DLG2: variants seen among roughly 807,000 people sequenced by gnomAD.
DLG2 encodes the protein disks large homolog 2.
In DLG2, 45 loss-of-function variants were observed where a neutral mutation model predicts 132.5. That is an observed-to-expected ratio of 0.34 (90% CI 0.27 to 0.44). The LOEUF is 0.44. DLG2 is among the 20% of genes least tolerant of loss of function. The pLI, the probability that DLG2 is intolerant of heterozygous loss-of-function variation, is 1.00. For synonymous variants in DLG2, 424 were observed against 419.6 expected, an observed-to-expected ratio of 1.01 and a Z score of -0.13; for missense variants, 1,045 against 1,196.9, an observed-to-expected ratio of 0.87 and a Z score of 1.87.
chr11:83,674,942 A>G (rs1387296112), intron 18 of DLG2, among the ~76,000 whole-genome samples: 1 of 152,256 alleles, frequency 6.6e-6, no homozygotes, highest in African/African-American at 2.4e-5. Flanking sequence ...GACAAGCTTC[A>G]TGAGTGAAAA....
At chr11:83,753,601 C>T (rs1290781125) in intron 18 of DLG2, among the ~76,000 whole-genome samples, 1 of 146,406 alleles carries the variant, frequency 6.8e-6, no homozygotes, top group African/African-American at 2.5e-5. Flanking sequence ...AACTCCTGTG[C>T]CAGTCATCAA....
At chr11:84,387,200 TG>T (rs1264787942) in intron 7 of DLG2, among the ~76,000 whole-genome samples, 3 of 151,990 alleles carry the variant, frequency 2.0e-5, no homozygotes, top group South Asian at 2.1e-4. Context: ...CTAGAGTCCA[TG>T]CATTTACCTA....
At chr11:84,949,370 C>T (rs1019504401) in intron 6 of DLG2, among the ~76,000 whole-genome samples, 1 of 152,096 alleles carries the variant, frequency 6.6e-6, no homozygotes, top group African/African-American at 2.4e-5. Context: ...ATTAAAATTG[C>T]TAATGAAGTT....
At chr11:85,278,549 G>A (rs1333640507) in intron 4 of DLG2, among the ~76,000 whole-genome samples, 3 of 151,672 alleles carry the variant, frequency 2.0e-5, no homozygotes, top group East Asian at 1.9e-4. Flanking sequence ...GCGGTGAGCC[G>A]AGATGGTTTC....
intron 3 of DLG2, among the ~76,000 whole-genome samples, chr11:85,332,518 A>G (rs2081835175): frequency 6.6e-6 from 1 of 152,036 alleles, no homozygotes; most frequent in South Asian, 2.1e-4. Context: ...TGGAGACTTC[A>G]TCATGAAATG....
At chr11:83,573,152 C>T (rs1039787682) in intron 19 of DLG2, among the ~76,000 whole-genome samples, 6 of 151,910 alleles carry the variant, frequency 3.9e-5, no homozygotes, top group Non-Finnish European at 8.8e-5. Flanking sequence ...AAAATATGCC[C>T]GATTCACATG....
chr11:84,084,416 G>A (rs2096945667), intron 10 of DLG2, among the ~76,000 whole-genome samples: 1 of 152,182 alleles, frequency 6.6e-6, no homozygotes, highest in African/African-American at 2.4e-5. Flanking sequence ...GGAGAGGGAA[G>A]GGTATTTTGT....
chr11:85,011,948 C>A (rs1011734435), intron 6 of DLG2, among the ~76,000 whole-genome samples: 1 of 152,132 alleles, frequency 6.6e-6, no homozygotes, highest in Non-Finnish European at 1.5e-5. Flanking sequence ...GTTCTAGAGG[C>A]ACATATGAAT....
At chr11:84,754,442 C>A (rs2066591325) in intron 6 of DLG2, among the ~76,000 whole-genome samples, 1 of 152,004 alleles carries the variant, frequency 6.6e-6, no homozygotes, top group Non-Finnish European at 1.5e-5. Context: ...AGTAAATGAT[C>A]TTATTTAATA....
At chr11:84,396,076 T>C (rs1301815049) in intron 7 of DLG2, among the ~76,000 whole-genome samples, 2 of 152,244 alleles carry the variant, frequency 1.3e-5, no homozygotes, top group African/African-American at 4.8e-5. Flanking sequence ...TTAGGAGTTT[T>C]GAGTGTTCTT....
chr11:83,629,199 T>C (rs943554666), intron 19 of DLG2, among the ~76,000 whole-genome samples: 1 of 152,166 alleles, frequency 6.6e-6, no homozygotes, highest in East Asian at 1.9e-4. Context: ...CCAGCAGACA[T>C]AAGTTTTTTG....
intron 4 of DLG2, among the ~76,000 whole-genome samples, chr11:85,209,282 T>C (rs904888426): frequency 6.6e-6 from 1 of 151,980 alleles, no homozygotes; most frequent in Non-Finnish European, 1.5e-5. Context: ...CTAATATCAA[T>C]GTTGATTTTT....
intron 16 of DLG2, among the ~76,000 whole-genome samples, chr11:83,852,290 G>C (rs1275255440): frequency 6.6e-6 from 1 of 152,216 alleles, no homozygotes; most frequent in Non-Finnish European, 1.5e-5. Context: ...GGGGCAAAAG[G>C]AGTCACTGAG....
chr11:85,114,851 G>A (rs1467678102), intron 5 of DLG2, among the ~76,000 whole-genome samples: 13 of 151,792 alleles, frequency 8.6e-5, no homozygotes, highest in Admixed American at 8.6e-4. Context: ...TTGTGTATCA[G>A]GGGCTTATAC....
chr11:85,411,702 TTTGA>T (rs1348813756), intron 3 of DLG2, among the ~76,000 whole-genome samples: 1 of 151,886 alleles, frequency 6.6e-6, no homozygotes, highest in African/African-American at 2.4e-5. Context: ...GATACATTTA[TTTGA>T]TTGATGGGAG....
At chr11:83,764,674 C>T (rs2094064005) in intron 18 of DLG2, among the ~76,000 whole-genome samples, 1 of 152,182 alleles carries the variant, frequency 6.6e-6, no homozygotes, top group Admixed American at 6.5e-5. Flanking sequence ...GAGACTGATA[C>T]ACCAAGAGGT....
intron 6 of DLG2, among the ~76,000 whole-genome samples, chr11:84,731,532 G>A (rs1301534804): frequency 1.3e-5 from 2 of 151,860 alleles, no homozygotes; most frequent in African/African-American, 2.4e-5. Flanking sequence ...CTAGACAAAC[G>A]GAAAGGGGAA....
intron 6 of DLG2, among the ~76,000 whole-genome samples, chr11:84,726,225 C>G (rs1027562558): frequency 6.6e-6 from 1 of 152,090 alleles, no homozygotes; most frequent in African/African-American, 2.4e-5. Context: ...ATCATCCCGT[C>G]TCCTACGTTA....
chr11:84,449,308 T>C (rs2099044619), intron 7 of DLG2, among the ~76,000 whole-genome samples: 2 of 151,984 alleles, frequency 1.3e-5, no homozygotes, highest in South Asian at 4.1e-4. Context: ...ATCATTTCAT[T>C]TTCCATCCTG....
Sources: gnomAD v4.1 joint callset for allele counts (sites outside exome capture counted in the v4.1 genomes callset) on GRCh38, gnomAD v4.1.1 for gene constraint, MANE v1.5 for transcripts, NCBI Gene and HGNC (gene_info 2026-07-23, HGNC 2026-07-21) for gene names.